The following HIVEP3 variants were observed in gnomAD, a reference collection of about 807,000 sequenced individuals.
The protein encoded by HIVEP3 is transcription factor HIVEP3.
A neutral mutation model predicts 152.8 loss-of-function variants in HIVEP3; 49 were observed. The ratio of observed to expected loss-of-function variants is 0.32; its 90% confidence interval spans 0.26 to 0.41. The LOEUF (loss-of-function observed/expected upper bound fraction) is 0.41. HIVEP3 is among the 10% of genes least tolerant of loss of function. The probability of loss-of-function intolerance (pLI) is 1.00; values close to 1 mark genes in which losing one functional copy is unlikely to be tolerated. For synonymous variants in HIVEP3, 1,269 were observed against 1,289.0 expected, an observed-to-expected ratio of 0.98 and a Z score of 0.33; for missense variants, 2,790 against 3,103.3, an observed-to-expected ratio of 0.90 and a Z score of 2.40.
chr1:42,002,665 G>C (rs923669509), intron 1 of HIVEP3, among the ~76,000 whole-genome samples: 1 of 152,194 alleles, frequency 6.6e-6, no homozygotes, highest in Non-Finnish European at 1.5e-5. Context: ...CATGGCTTAG[G>C]GGACTCCAGA....
chr1:41,885,949 G>C (rs1252530975), intron 1 of HIVEP3, among the ~76,000 whole-genome samples: 1 of 152,176 alleles, frequency 6.6e-6, no homozygotes, highest in Non-Finnish European at 1.5e-5. Flanking sequence ...CCAAGGCTCA[G>C]AGCAGTGAGG....
chr1:41,531,924 G>A (rs111162298), intron 5 of HIVEP3, among the ~76,000 whole-genome samples: 30,975 of 72,280 alleles, frequency 0.43, 9,511 homozygotes, highest in African/African-American at 0.48. Context: ...GACATGAGAG[G>A]TAGAGGACAG....
At chr1:42,008,622 T>G (rs887318122) in intron 1 of HIVEP3, among the ~76,000 whole-genome samples, 5 of 152,230 alleles carry the variant, frequency 3.3e-5, no homozygotes, top group Admixed American at 6.5e-5. Flanking sequence ...AGATATCCTT[T>G]AATAGTTGTT....
At chr1:41,786,940 C>T (rs372520203) in intron 1 of HIVEP3, among the ~76,000 whole-genome samples, 5 of 151,834 alleles carry the variant, frequency 3.3e-5, no homozygotes, top group African/African-American at 4.8e-5. Flanking sequence ...TTAGTAGACA[C>T]GGAGTTTCAC....
intron 1 of HIVEP3, among the ~76,000 whole-genome samples, chr1:41,945,280 C>A (rs1645068818): frequency 6.6e-6 from 1 of 152,080 alleles, no homozygotes. Flanking sequence ...CCAAAGAGTG[C>A]CAATAGTCTC....
intron 1 of HIVEP3, among the ~76,000 whole-genome samples, chr1:41,780,671 G>A (rs2124281636): frequency 6.6e-6 from 1 of 152,328 alleles, no homozygotes; most frequent in East Asian, 1.9e-4. Flanking sequence ...GACCGAACTG[G>A]AGGTGCCAGC....
Position 41,819,332 on chromosome 1 carries a change from T to A in HIVEP3, c.-801+99081A>T, listed in dbSNP as rs187031952. Among the ~76,000 whole-genome samples the A allele has an allele frequency of 2.3e-3, 345 of 152,250 alleles. 3 individuals are homozygous for A. The highest frequency in any genetic ancestry group is 7.9e-3 in the African/African-American group (328 of 41,560). On this transcript the variant is annotated intron_variant, in intron 1 of 8. Transcript: ENST00000372583. ...TCTAATTGTTCCATTTGTCTTTTTT[T>A]TTTCTTGGTCTGTCTTGCTAAAGAA...
intron 2 of HIVEP3, among the ~76,000 whole-genome samples, chr1:41,650,562 G>A (rs927460266): frequency 2.4e-5 from 2 of 82,578 alleles, no homozygotes; most frequent in African/African-American, 9.2e-5. Context: ...TTGTTTTCTG[G>A]GTTTTTTTTT....
intron 1 of HIVEP3, among the ~76,000 whole-genome samples, chr1:41,940,531 T>C (rs1311716404): frequency 1.3e-5 from 2 of 152,354 alleles, no homozygotes; most frequent in East Asian, 3.8e-4. Context: ...TGAAATGAAC[T>C]CTTAAGAGAA....
Position 41,584,388 on chromosome 1 carries a change from C to G in HIVEP3, c.410G>C (p.Gly137Ala). The change falls in exon 4 of 9, where the codon GGG (glycine) becomes GCG (alanine). Residue 137 changes from glycine to alanine, a missense_variant. Gly to Ala is a moderately conservative substitution (Grantham distance 60). Coordinates refer to ENST00000372583, the MANE Select transcript of HIVEP3 (RefSeq NM_024503.5). This position sits in a 1 kb window ranked among gnomAD's most constrained non-coding sequence, Gnocchi z 5.2. ...AAGGAGCTGGCTCTGAGGATGGAGC[C>G]CAGGGGCCACGAAGGAGCCAGAGGG... ...PGPSGSFVAPGLHPQSQLLPS... is the reference protein window; with the variant it reads ...PGPSGSFVAPALHPQSQLLPS... 6.2e-7 allele frequency: 1 copy of G among 1,613,710 alleles called. No homozygotes were observed. Among genetic ancestry groups the G allele is most frequent in the Non-Finnish European group, 8.5e-7 (1 of 1,179,822 alleles).
At chr1:41,691,249 AT>A (rs1646193541) in intron 2 of HIVEP3, among the ~76,000 whole-genome samples, 16 of 152,264 alleles carry the variant, frequency 1.1e-4, no homozygotes, top group Admixed American at 9.8e-4. Flanking sequence ...TTCCTTCTAA[AT>A]TGAAAATAGC....
chr1:41,774,735 T>C (rs1648583075), intron 1 of HIVEP3, among the ~76,000 whole-genome samples: 1 of 152,146 alleles, frequency 6.6e-6, no homozygotes, highest in Non-Finnish European at 1.5e-5. Context: ...TAAAGTCATG[T>C]GTGAATTTTC....
chr1:41,978,676 C>T (rs1645276106), intron 1 of HIVEP3, among the ~76,000 whole-genome samples: 1 of 152,172 alleles, frequency 6.6e-6, no homozygotes, highest in Non-Finnish European at 1.5e-5. Context: ...TTCATTCACT[C>T]AGCAAAGGAG....
intron 1 of HIVEP3, among the ~76,000 whole-genome samples, chr1:41,957,687 G>A (rs1432934756): frequency 1.3e-5 from 2 of 152,132 alleles, no homozygotes; most frequent in African/African-American, 4.8e-5. Context: ...CTTGTTCATG[G>A]TCCAGATCTA....
intron 5 of HIVEP3, among the ~76,000 whole-genome samples, chr1:41,539,969 G>C (rs573835306): frequency 3.9e-5 from 6 of 152,204 alleles, no homozygotes; most frequent in Non-Finnish European, 5.9e-5. Context: ...AGCAGGTATT[G>C]AGGCAGAAAG....
Position 41,508,813 on chromosome 1 carries a change from G to A in HIVEP3, c.*1638C>T, listed in dbSNP as rs12076179. ...ATTCACACAGCCTGGCTGAGGACTG[G>A]GGATTAGCCAGAGAGGTCCCTGCTC... On this transcript the variant is annotated 3_prime_UTR_variant, in exon 9 of 9. Transcript: ENST00000372583. 10,565 of 152,444 alleles carry A rather than the reference G, an allele frequency of 0.069. 396 individuals are homozygous for A. Among genetic ancestry groups the A allele is most frequent in the South Asian group, 0.13 (619 of 4,826 alleles). The allele number at this position is 152,444 out of a possible 1,614,324, so 9.4% of individuals were successfully genotyped here.
intron 1 of HIVEP3, among the ~76,000 whole-genome samples, chr1:41,983,360 T>G (rs1475469186): frequency 6.6e-6 from 1 of 152,200 alleles, no homozygotes; most frequent in Non-Finnish European, 1.5e-5. Context: ...AAATCAAATT[T>G]AACAAGCGCA....
intron 1 of HIVEP3, among the ~76,000 whole-genome samples, chr1:41,764,971 A>G (rs1237667362): frequency 6.6e-6 from 1 of 152,194 alleles, no homozygotes; most frequent in Non-Finnish European, 1.5e-5. Flanking sequence ...CTAGGTGCCC[A>G]TCACCTTGCA....
intron 6 of HIVEP3, 91 bp downstream of exon 6, chr1:41,524,644 G>A: frequency 4.9e-6 from 6 of 1,217,742 alleles, no homozygotes; most frequent in Non-Finnish European, 7.2e-6. Context: ...CCCCTGCAAA[G>A]AGGTCTGGGC....
Sources: gnomAD v4.1 joint callset for allele counts (sites outside exome capture counted in the v4.1 genomes callset) on GRCh38, gnomAD v4.1.1 for gene constraint, Gnocchi (gnomAD v3.1) non-coding constraint, MANE v1.5 for transcripts, NCBI Gene and HGNC (gene_info 2026-07-23, HGNC 2026-07-21) for gene names.